Variants in BAG6 observed in about 807,000 individuals in gnomAD.
BAG6 encodes large proline-rich protein BAG6.
A neutral mutation model predicts 121.0 loss-of-function variants in BAG6; 22 were observed. The ratio of observed to expected loss-of-function variants is 0.18; its 90% CI spans 0.13 to 0.26. BAG6 has a LOEUF of 0.26. Among genes scored for constraint, BAG6 ranks in the 10% least tolerant of loss-of-function variants. The pLI, the probability that BAG6 is intolerant of heterozygous loss-of-function variation, is 1.00. For synonymous variants in BAG6, 583 were observed against 584.6 expected (o/e 1.00, Z 0.04); for missense variants, 1,233 against 1,537.7 (o/e 0.80, Z 3.31).
Position 31,649,160 on chromosome 6 carries a change from C to G in BAG6, c.423+39G>C, listed in dbSNP as rs750513278. On this transcript the variant is annotated intron_variant, in intron 4 of 25. Coordinates refer to ENST00000676615, the MANE Select transcript of BAG6 (RefSeq NM_001387994.1). ...TTCCCTGGTGCTACCACAACCAAAG[C>G]TACCCACAAAAGCCCTCCCCTGTGG... 3.7e-6 allele frequency: 6 copies of G among 1,608,394 alleles called. No individual in the cohort carries two copies. The Admixed American group carries it at 8.3e-5, about 22-fold the overall frequency.
intron 14 of BAG6, among the ~76,000 whole-genome samples, 166 bp downstream of exon 14, chr6:31,643,721 CAAA>C (rs9281540): frequency 3.0e-4 from 20 of 66,284 alleles, no homozygotes; most frequent in African/African-American, 2.0e-3. Context: ...GACTCCATCT[CAAA>C]AAAAAAAAAA....
chr6:31,647,810 T>C lies in BAG6; in HGVS notation c.569A>G (p.Gln190Arg). Residue 190 changes from glutamine (Q) to arginine (R), a missense_variant, in exon 7 of 26, where the codon CAA (glutamine) becomes CGA (arginine). This residue lies in a region of BAG6 where 777 missense variants were observed against 861.4 expected (regional missense o/e 0.90). Transcript: ENST00000676615. ...LSRMECRGGP[Q>R]PQHSQPPPQP... ...CGGGGGCGGCTGACTGTGCTGCGGT[T>C]GGGGCCCTCCTCGACACTGAAGGTA... The C allele has an allele frequency of 1.3e-6, 2 of 1,560,564 alleles. No individual in the cohort carries two copies. Among genetic ancestry groups the C allele is most frequent in the Non-Finnish European group, 1.7e-6 (2 of 1,158,126 alleles).
chr6:31,639,273 C>T lies in BAG6; in HGVS notation c.3394-47G>A, dbSNP rs750332. On this transcript the variant is annotated intron_variant, in intron 25 of 25. Transcript: ENST00000676615. ...GTTGGAGAAACGCTGGCCAAGTCCC[C>T]ATGATCCCAGCAAGCACACAAGGCC... 0.82 allele frequency: 1,284,254 copies of T among 1,556,814 alleles called. 531,227 individuals are homozygous for T. Among genetic ancestry groups the T allele is most frequent in the East Asian group, 0.89 (38,983 of 43,966 alleles).
Position 31,642,205 on chromosome 6 carries a change from C to G in BAG6, c.2242G>C (p.Ala748Pro), listed in dbSNP as rs1385597027. 1 of 1,612,876 alleles carries G rather than the reference C, an allele frequency of 6.2e-7. No homozygotes were observed. Among genetic ancestry groups the G allele is most frequent in the Non-Finnish European group, 8.5e-7 (1 of 1,179,984 alleles). ...VLSSLLGSLG[A>P]RAGSSESIAA... The stretch of plus-strand genomic sequence containing the variant: ...ATACTTTCACTGCTGCCAGCCCGAG[C>G]CCCCAGGGAGCCCAGCAGGGAGCTG... Residue 748 changes from alanine to proline, a missense_variant, in exon 16 of 26, where the codon GCT (alanine) becomes CCT (proline). Around this residue, in one of 7 missense-constraint regions of BAG6, gnomAD observed 288 missense variants for 483.1 expected, o/e 0.60. Transcript: ENST00000676615.
chr6:31,649,449 C>T (rs2150992148), intron 3 of BAG6, 54 bp from the exon 4 acceptor site: 1 of 1,611,118 alleles, frequency 6.2e-7, no homozygotes, highest in African/African-American at 1.3e-5. Flanking sequence ...AAACCCATGG[C>T]CTCAGTTCAT....
In BAG6 at chr6:31,639,202, G is replaced by A. The variant is rs987093354; in HGVS notation, c.3418C>T (p.Leu1140=). ...QQLRSDIQKR[L]QEDPNYSPQR... is the part of the protein sequence containing the mutation. ...GGACTGTAGTTGGGGTCTTCCTGCA[G>A]TCGTTTTTGTATATCAGACCGGAGC... The change falls in exon 26 of 26, where the codon CTG becomes TTG. Residue 1140 remains leucine (L), a synonymous_variant. Transcript: ENST00000676615. 1 of 1,613,744 alleles carries A rather than the reference G, an allele frequency of 6.2e-7. No individual in the cohort carries two copies. The highest frequency in any genetic ancestry group is 8.5e-7 in the Non-Finnish European group (1 of 1,179,908).
At chr6:31,647,519 C>CATGGTTCAT (rs1331757438) in intron 7 of BAG6, 72 bp downstream of exon 7, 2 of 1,586,330 alleles carry the variant, frequency 1.3e-6, no homozygotes, top group African/African-American at 2.7e-5. Context: ...CCTCCCTTGC[C>CATGGTTCAT]ATGGTTCATT....
chr6:31,643,716 C>T (rs1470419217), intron 14 of BAG6, among the ~76,000 whole-genome samples, 174 bp downstream of exon 14: 1 of 45,674 alleles, frequency 2.2e-5, no homozygotes, highest in Admixed American at 3.3e-4. Context: ...AGTGAGACTC[C>T]ATCTCAAAAA....
At chr6:31,647,328 C>T (rs934475134) in intron 7 of BAG6, among the ~76,000 whole-genome samples, 4 of 152,214 alleles carry the variant, frequency 2.6e-5, no homozygotes, top group African/African-American at 9.6e-5. Context: ...GAGAGCAGGC[C>T]TTCGTGAACT....
intron 1 of BAG6, 174 bp from the exon 2 acceptor site, chr6:31,651,950 A>G: frequency 1.8e-6 from 1 of 553,982 alleles, no homozygotes; most frequent in Admixed American, 2.9e-5. Context: ...AGAAACACAA[A>G]GGGCAGGAGA....
rs764708223 is a variant in BAG6, at chr6:31,645,514, G to A, written c.1009C>T (p.Leu337=). ...GGCGTGCAGGCCAGATTGCAGCGCA[G>A]GTCAGACAGTGCAACAAAGGTGTTG... ...LGNTFVALSD[L]RCNLACTPPR... The change falls in exon 9 of 26, where the codon CTG becomes TTG. Residue 337 remains leucine, a synonymous_variant. Transcript: ENST00000676615. The A allele has an allele frequency of 6.2e-7, 1 of 1,613,034 alleles. No individual in the cohort carries two copies. Among genetic ancestry groups the A allele is most frequent in the African/African-American group, 1.3e-5 (1 of 74,942 alleles).
intron 8 of BAG6, among the ~76,000 whole-genome samples, 193 bp downstream of exon 8, chr6:31,646,201 G>A (rs1024387641): frequency 2.6e-5 from 4 of 152,154 alleles, no homozygotes; most frequent in African/African-American, 9.7e-5. Flanking sequence ...GGCCAGGCTG[G>A]TCTCAAACTC....
chr6:31,645,570 T>G lies in BAG6; in HGVS notation c.953A>C (p.Asn318Thr). 1.2e-6 allele frequency: 2 copies of G among 1,613,138 alleles called. No homozygotes were observed. The highest frequency in any genetic ancestry group is 8.5e-7 in the Non-Finnish European group (1 of 1,180,036). ...EGREEDQRLINLVGESLRLLG... is the reference protein window; with the variant it reads ...EGREEDQRLITLVGESLRLLG... Reference sequence around the variant, plus strand: ...CAGTCGCAGGCTCTCCCCTACCAAGTTGATCAACCGCTGATCCTCCTCCCG... The same window carrying G: ...CAGTCGCAGGCTCTCCCCTACCAAGGTGATCAACCGCTGATCCTCCTCCCG... Residue 318 changes from asparagine (N) to threonine (T), a missense_variant, in exon 9 of 26, where the codon AAC becomes ACC. Asn to Thr is a moderately conservative substitution (Grantham distance 65). Coordinates refer to ENST00000676615, the MANE Select transcript of BAG6 (RefSeq NM_001387994.1).
chr6:31,641,675 G>A lies in BAG6; in HGVS notation c.2506-83C>T, dbSNP rs980917899. On this transcript the variant is annotated intron_variant, in intron 17 of 25. Transcript: ENST00000676615. This position sits in a 1 kb window ranked among gnomAD's most constrained non-coding sequence, Gnocchi z 5.7. ...CTCGACCCCAACAAGTCCAGGGCTT[G>A]TGTGGGGGCAATTGGAGCTTTACCT... The A allele has an allele frequency of 2.5e-5, 41 of 1,609,240 alleles. No individual in the cohort carries two copies. Among genetic ancestry groups the A allele is most frequent in the Non-Finnish European group, 2.2e-5 (26 of 1,175,682 alleles).
chr6:31,645,816 A>T (rs991575605), intron 8 of BAG6, among the ~76,000 whole-genome samples: 4 of 152,252 alleles, frequency 2.6e-5, no homozygotes, highest in Non-Finnish European at 5.9e-5. Flanking sequence ...TGAATCAGTA[A>T]GTCATCATAT....
At position 31,648,970 on chromosome 6, in the gene BAG6, GA is replaced by G. The variant is rs767704019; in HGVS notation, c.424-7del. ...TCCACAGCAGAGCCGTCACTCTGGG[GA>G]AAGGGTAAGGGAAGTTGTTCTGGGA... On this transcript the variant is annotated splice_region_variant and splice_polypyrimidine_tract_variant and intron_variant, in intron 4 of 25. Coordinates refer to ENST00000676615, the MANE Select transcript of BAG6 (RefSeq NM_001387994.1). 6 of 1,525,594 alleles carry G rather than the reference GA, an allele frequency of 3.9e-6. No homozygotes were observed. The highest frequency in any genetic ancestry group is 5.3e-6 in the Non-Finnish European group (6 of 1,140,170). 94.5% of individuals were successfully genotyped at this position (1,525,594 alleles called of 1,614,324 possible). A position where few individuals can be genotyped will look rare whatever the true frequency, so the allele number is the denominator to read the frequency against.
chr6:31,639,395 T>C (rs1177567700), intron 25 of BAG6, 105 bp downstream of exon 25: 3 of 1,525,488 alleles, frequency 2.0e-6, no homozygotes, highest in Admixed American at 1.9e-5. Context: ...GGAAAACAAA[T>C]GGTAGCACCA....
rs1238721361 is a variant in BAG6 at position 31,647,755 on chromosome 6, T to C, written c.624A>G (p.Val208=). Residue 208 remains valine (V), a synonymous_variant, in exon 7 of 26, where the codon GTA becomes GTG. Coordinates refer to ENST00000676615, the MANE Select transcript of BAG6 (RefSeq NM_001387994.1). The stretch of plus-strand genomic sequence containing the variant: ...GTTCTGATGTTTGAGAGCTCAAGGC[T>C]ACTGGCTCCGGGGTCACAGCCGGTG... ...PQPPAVTPEP[V]ALSSQTSEPV... The C allele has an allele frequency of 6.2e-7, 1 of 1,603,226 alleles. No individual in the cohort carries two copies. The highest frequency in any genetic ancestry group is 1.7e-5 in the Admixed American group (1 of 57,418).
Position 31,644,826 on chromosome 6 carries a change from G to A in BAG6, c.1369+120C>T. On this transcript the variant is annotated intron_variant, in intron 10 of 25. Transcript: ENST00000676615. The surrounding 1 kb of genome is among the most constrained non-coding windows in gnomAD (Gnocchi z 4.9). ...ATCTGTCTACTTAAGCTTCTGCTCT[G>A]GTCCCCAGGCTACCACCACCAGCAT... 1 of 1,470,642 alleles carries A rather than the reference G, an allele frequency of 6.8e-7. No individual in the cohort carries two copies. Among genetic ancestry groups the A allele is most frequent in the Non-Finnish European group, 9.2e-7 (1 of 1,089,254 alleles). The allele number at this position is 1,470,642 out of a possible 1,614,324, so 91.1% of individuals were successfully genotyped here.
Sources: gnomAD v4.1 joint callset for allele counts (sites outside exome capture counted in the v4.1 genomes callset) on GRCh38, gnomAD v4.1.1 for gene constraint, gnomAD v4.1.1 regional missense constraint, Gnocchi (gnomAD v3.1) non-coding constraint, MANE v1.5 for transcripts, NCBI Gene and HGNC (gene_info 2026-07-23, HGNC 2026-07-21) for gene names.